Variants in NIPSNAP3B observed in about 807,000 individuals in gnomAD.
The protein encoded by NIPSNAP3B is protein NipSnap homolog 3B.
Under a neutral mutation model 31.5 loss-of-function variants are expected in NIPSNAP3B, and 30 were observed. The ratio of observed to expected loss-of-function variants is 0.95; its 90% CI spans 0.71 to 1.29. NIPSNAP3B has a LOEUF of 1.29. Ranked by LOEUF, NIPSNAP3B falls within the 50% of genes most tolerant of loss-of-function variation. The probability of loss-of-function intolerance (pLI) is 0.00; values close to 1 mark genes in which losing one functional copy is unlikely to be tolerated. For missense variants in NIPSNAP3B, 269 were observed against 300.7 expected, an observed-to-expected ratio of 0.89 and a Z score of 0.78; for synonymous variants, 106 against 107.9, an observed-to-expected ratio of 0.98 and a Z score of 0.11.
At chr9:104,772,013 T>C (rs1828231990) in intron 4 of NIPSNAP3B, among the ~76,000 whole-genome samples, 1 of 152,160 alleles carries the variant, frequency 6.6e-6, no homozygotes, top group Non-Finnish European at 1.5e-5. Context: ...TTTGTTGGTC[T>C]CATATATGTC....
At chr9:104,785,216 A>G in the NIPSNAP3B span, among the ~76,000 whole-genome samples, 1 of 152,330 alleles carries the variant, frequency 6.6e-6, no homozygotes, top group East Asian at 1.9e-4. Flanking sequence ...TATAGAGTAC[A>G]TAGGCATCAT....
downstream of NIPSNAP3B, chr9:104,782,696 T>C (rs1415398799): frequency 1.3e-5 from 2 of 152,226 alleles, no homozygotes; most frequent in East Asian, 3.8e-4. Context: ...GGGTATCCAA[T>C]ATCTGCAAAG....
At chr9:104,778,776 CTA>C (rs1828386391), downstream of NIPSNAP3B, among the ~76,000 whole-genome samples, 1 of 152,208 alleles carries the variant, frequency 6.6e-6, no homozygotes, top group South Asian at 2.1e-4. Flanking sequence ...CCACCATTAT[CTA>C]TTAGTCTTCC....
the NIPSNAP3B span, chr9:104,784,322 T>C: frequency 1.2e-6 from 2 of 1,614,134 alleles, no homozygotes; most frequent in Middle Eastern, 1.7e-4. Flanking sequence ...TCTTCATACA[T>C]AGCTTTCTTT....
At chr9:104,788,843 C>A in the NIPSNAP3B span, among the ~76,000 whole-genome samples, 20 of 152,290 alleles carry the variant, frequency 1.3e-4, no homozygotes, top group Non-Finnish European at 1.3e-4. Flanking sequence ...TGAGGTCATG[C>A]CAACCACTGC....
At position 104,776,465 on chromosome 9, in the gene NIPSNAP3B, A is replaced by G. The variant is rs541600887; in HGVS notation, c.*3392A>G. 6.9e-4 allele frequency among the ~76,000 whole-genome samples: 105 copies of G among 152,210 alleles called. No homozygotes were observed. Among genetic ancestry groups the G allele is most frequent in the Non-Finnish European group, 1.4e-3 (92 of 67,994 alleles). On this transcript the variant is annotated 3_prime_UTR_variant, in exon 6 of 6. Transcript: ENST00000374762. The stretch of plus-strand genomic sequence containing the variant: ...GGTTTGGCCTTTGTGAGTTAGTTTT[A>G]GATGAGGTCATGTGGGTAATAGAAT...
Position 104,770,811 on chromosome 9 carries a change from T to G in NIPSNAP3B, c.431-38T>G, listed in dbSNP as rs190938244. The G allele has an allele frequency of 1.0e-5, 16 of 1,594,258 alleles. No homozygotes were observed. The Admixed American group carries it at 2.5e-4, about 25-fold the overall frequency. ...AAAACCTGGTTAGAAATTGTTTGAA[T>G]GTCTTCTGTGAAATAATTATTTTTC... On this transcript the variant is annotated intron_variant, in intron 3 of 5. Transcript: ENST00000374762.
chr9:104,779,359 G>A (rs969990195), downstream of NIPSNAP3B, among the ~76,000 whole-genome samples: 13 of 152,172 alleles, frequency 8.5e-5, no homozygotes, highest in African/African-American at 3.1e-4. Flanking sequence ...CTGGCATACA[G>A]TAAAGTTCAA....
In NIPSNAP3B at chr9:104,773,094, C is replaced by T; in HGVS notation, c.*21C>T. The T allele has an allele frequency of 6.2e-7, 1 of 1,602,152 alleles. No homozygotes were observed. Among genetic ancestry groups the T allele is most frequent in the Non-Finnish European group, 8.5e-7 (1 of 1,169,842 alleles). ...AATAGTTTTCTACTGAAATACAAAA[C>T]ATTTCATTAACTGCTCTAAGATGTG... On this transcript the variant is annotated 3_prime_UTR_variant, in exon 6 of 6. Coordinates refer to ENST00000374762, the MANE Select transcript of NIPSNAP3B (RefSeq NM_018376.4).
At chr9:104,765,312 G>A (rs1828066307) in intron 1 of NIPSNAP3B, among the ~76,000 whole-genome samples, 2 of 152,182 alleles carry the variant, frequency 1.3e-5, no homozygotes, top group Admixed American at 1.3e-4. Context: ...GATTATTCTG[G>A]GTAGTGAGCC....
chr9:104,772,110 T>C (rs1483945515), intron 4 of NIPSNAP3B, among the ~76,000 whole-genome samples: 1 of 152,152 alleles, frequency 6.6e-6, no homozygotes, highest in Non-Finnish European at 1.5e-5. Context: ...AAGTTCCTTA[T>C]AGAGGCTGGA....
At chr9:104,786,482 G>A in the NIPSNAP3B span, 1 of 1,126,470 alleles carries the variant, frequency 8.9e-7, no homozygotes, top group South Asian at 1.2e-5. Flanking sequence ...AGCTTCCTAG[G>A]GAATTGTATT....
chr9:104,769,378 C>A (rs915768741), intron 3 of NIPSNAP3B, among the ~76,000 whole-genome samples: 7 of 140,854 alleles, frequency 5.0e-5, no homozygotes, highest in Admixed American at 4.9e-4. Context: ...GGCGTGAACC[C>A]AGAAGGCGGA....
intron 4 of NIPSNAP3B, 86 bp downstream of exon 4, chr9:104,771,084 T>C: frequency 8.2e-7 from 1 of 1,213,078 alleles, no homozygotes; most frequent in Admixed American, 2.2e-5. Flanking sequence ...TGTTTTAATT[T>C]TTATCTCCAA....
At chr9:104,784,508 T>C in the NIPSNAP3B span, 8 of 1,607,304 alleles carry the variant, frequency 5.0e-6, no homozygotes, top group South Asian at 7.7e-5. Flanking sequence ...TTGCTCATTC[T>C]TTATTCTAGT....
chr9:104,771,524 C>G lies in NIPSNAP3B; in HGVS notation c.580+526C>G, dbSNP rs966067663. 2.6e-5 allele frequency among the ~76,000 whole-genome samples: 4 copies of G among 152,132 alleles called. No individual in the cohort carries two copies. The East Asian group carries it at 7.7e-4, about 29-fold the overall frequency. On this transcript the variant is annotated intron_variant, in intron 4 of 5. Transcript: ENST00000374762. ...GAGGATAATAGCCTCTAGCTACATC[C>G]ATGTTCCCACAAAAGTTATAATCTG...
In NIPSNAP3B at chr9:104,766,309, G is replaced by C. The variant is rs1588166006; in HGVS notation, c.61-16G>C. 1.9e-6 allele frequency: 3 copies of C among 1,606,900 alleles called. No individual in the cohort carries two copies. Among genetic ancestry groups the C allele is most frequent in the South Asian group, 1.1e-5 (1 of 90,770 alleles). On this transcript the variant is annotated splice_polypyrimidine_tract_variant and intron_variant, in intron 1 of 5. Transcript: ENST00000374762. ...GTACCTTCCCAAGATATTTACATTT[G>C]TCTTACCTCCTTCAGGTGTGTTCAT... is the stretch of plus-strand genomic sequence containing the variant.
the NIPSNAP3B span, chr9:104,783,336 A>C: frequency 6.6e-6 from 1 of 152,222 alleles, no homozygotes; most frequent in Non-Finnish European, 1.5e-5. Flanking sequence ...GATTAATTCA[A>C]AAAGCCAGAA....
the NIPSNAP3B span, chr9:104,784,404 G>C: frequency 6.2e-7 from 1 of 1,614,032 alleles, no homozygotes; most frequent in South Asian, 1.1e-5. Flanking sequence ...TGTAATGAGA[G>C]GTCTTTTAAG....
Sources: allele counts gnomAD v4.1 joint callset (sites outside exome capture counted in the v4.1 genomes callset), GRCh38; gene constraint gnomAD v4.1.1; transcripts MANE v1.5; gene names NCBI Gene and HGNC (gene_info 2026-07-23, HGNC 2026-07-21).